IGF1R: variants seen among roughly 807,000 people sequenced by gnomAD.
The protein encoded by IGF1R is insulin-like growth factor 1 receptor.
IGF1R carries 44 observed loss-of-function variants against 144.6 expected under a neutral mutation model. The observed-to-expected ratio is 0.30, with a 90% CI of 0.24 to 0.39. The LOEUF is 0.39. IGF1R is among the 10% of genes least tolerant of loss of function. The probability of loss-of-function intolerance (pLI) is 1.00; values close to 1 mark genes in which losing one functional copy is unlikely to be tolerated. For missense variants in IGF1R, 1,355 were observed against 1,833.7 expected, an observed-to-expected ratio of 0.74 and a Z score of 4.77; for synonymous variants, 795 against 722.8, an observed-to-expected ratio of 1.10 and a Z score of -1.60.
At chr15:98,956,259 G>A (rs551019276) in intron 20 of IGF1R, among the ~76,000 whole-genome samples, 4 of 152,366 alleles carry the variant, frequency 2.6e-5, no homozygotes, top group African/African-American at 7.2e-5. Flanking sequence ...GAGCCCAGCC[G>A]ATGCGACCGA....
chr15:98,930,561 C>T (rs963123914), intron 15 of IGF1R, among the ~76,000 whole-genome samples: 13 of 152,010 alleles, frequency 8.6e-5, no homozygotes, highest in Admixed American at 1.3e-4. Flanking sequence ...ATGAATGTGG[C>T]CAGCGCAGTA....
intron 2 of IGF1R, among the ~76,000 whole-genome samples, chr15:98,862,139 A>C (rs916117758): frequency 6.6e-6 from 1 of 152,238 alleles, no homozygotes; most frequent in Admixed American, 6.5e-5. Flanking sequence ...TAATGCAATA[A>C]AGATTTTTGC....
chr15:98,856,471 G>A (rs1017365108), intron 2 of IGF1R, among the ~76,000 whole-genome samples: 6 of 152,226 alleles, frequency 3.9e-5, no homozygotes, highest in Admixed American at 6.5e-5. Flanking sequence ...AACACTTAGC[G>A]TTGGGCCTGG....
chr15:98,834,612 A>G (rs1454145518), intron 2 of IGF1R, among the ~76,000 whole-genome samples: 1 of 152,244 alleles, frequency 6.6e-6, no homozygotes, highest in Non-Finnish European at 1.5e-5. Context: ...ATCTGAAAGC[A>G]AAGCAGTGAC....
intron 2 of IGF1R, among the ~76,000 whole-genome samples, chr15:98,739,018 C>T (rs1231159230): frequency 2.0e-5 from 3 of 152,142 alleles, no homozygotes; most frequent in Admixed American, 6.5e-5. Context: ...TGAGTGACAT[C>T]TTGCCTTGCT....
rs1306043366 is a variant in IGF1R at position 98,960,092 on chromosome 15, T to C, written c.*2650T>C. Reference sequence around the variant, plus strand: ...CACTCTTATTTTTTATATGTGTATATAGACAAAAGAATACATCTCACCTTT... The same window carrying C: ...CACTCTTATTTTTTATATGTGTATACAGACAAAAGAATACATCTCACCTTT... On this transcript the variant is annotated 3_prime_UTR_variant, in exon 21 of 21. Coordinates refer to ENST00000650285, the MANE Select transcript of IGF1R (RefSeq NM_000875.5). 4.3e-6 allele frequency: 1 copy of C among 233,492 alleles called. No individual in the cohort carries two copies. The highest frequency in any genetic ancestry group is 6.0e-5 in the East Asian group (1 of 16,588). 14.5% of individuals were successfully genotyped at this position (233,492 alleles called of 1,614,324 possible). A position where few individuals can be genotyped will look rare whatever the true frequency, so the allele number is the denominator to read the frequency against.
intron 20 of IGF1R, among the ~76,000 whole-genome samples, chr15:98,956,694 C>T (rs770472349): frequency 2.6e-5 from 4 of 152,260 alleles, no homozygotes; most frequent in Non-Finnish European, 5.9e-5. Flanking sequence ...GCAGTGCCTG[C>T]ATGAGACGCC....
intron 2 of IGF1R, among the ~76,000 whole-genome samples, chr15:98,798,665 A>T (rs1187770227): frequency 6.6e-6 from 1 of 151,992 alleles, no homozygotes; most frequent in South Asian, 2.1e-4. Flanking sequence ...TGCACGTGGG[A>T]TGTCCAGTGA....
At chr15:98,677,958 A>G (rs1284950383) in intron 1 of IGF1R, among the ~76,000 whole-genome samples, 1 of 152,168 alleles carries the variant, frequency 6.6e-6, no homozygotes, top group African/African-American at 2.4e-5. Flanking sequence ...GATTACAGGC[A>G]TATTTGTCCT....
rs1371147989 is a variant in IGF1R, at chr15:98,935,551, T to C, written c.3297+125T>C. On this transcript the variant is annotated intron_variant, in intron 17 of 20. Coordinates refer to ENST00000650285, the MANE Select transcript of IGF1R (RefSeq NM_000875.5). The surrounding 1 kb of genome is among the most constrained non-coding windows in gnomAD (Gnocchi z 4.2). Reference sequence around the variant, plus strand: ...CTTTCCAGCATCCAGTGTTTCTTACTGCATGCTCAGTTGTAGGTCATTTAT... The same window carrying C: ...CTTTCCAGCATCCAGTGTTTCTTACCGCATGCTCAGTTGTAGGTCATTTAT... 2.7e-6 allele frequency: 2 copies of C among 730,080 alleles called. No homozygotes were observed. Among genetic ancestry groups the C allele is most frequent in the Non-Finnish European group, 5.0e-6 (2 of 399,108 alleles). 45.2% of individuals were successfully genotyped at this position (730,080 alleles called of 1,614,324 possible).
At chr15:98,831,947 G>A (rs143093397) in intron 2 of IGF1R, among the ~76,000 whole-genome samples, 90 of 152,216 alleles carry the variant, frequency 5.9e-4, no homozygotes, top group African/African-American at 2.1e-3. Flanking sequence ...GAACTTCAGA[G>A]AACAGCCTTG....
At chr15:98,795,331 A>C (rs2141423385) in intron 2 of IGF1R, among the ~76,000 whole-genome samples, 1 of 152,362 alleles carries the variant, frequency 6.6e-6, no homozygotes, top group East Asian at 1.9e-4. Context: ...ACACATTGAC[A>C]TGTATCAGTA....
intron 2 of IGF1R, among the ~76,000 whole-genome samples, chr15:98,889,863 C>G (rs557736704): frequency 3.9e-5 from 6 of 152,272 alleles, no homozygotes; most frequent in Non-Finnish European, 8.8e-5. Context: ...CAAAAAGATA[C>G]ACATTTAAAT....
intron 2 of IGF1R, chr15:98,824,174 C>A (rs1025329433): frequency 6.6e-6 from 1 of 152,198 alleles, no homozygotes; most frequent in Non-Finnish European, 1.5e-5. Flanking sequence ...TGCCCGTTCT[C>A]CCCAGGTCGA....
At chr15:98,753,453 G>A (rs923277007) in intron 2 of IGF1R, among the ~76,000 whole-genome samples, 13 of 132,090 alleles carry the variant, frequency 9.8e-5, no homozygotes, top group African/African-American at 1.5e-4. Context: ...GGCTTGTCTC[G>A]AACTCCTGGC....
intron 1 of IGF1R, among the ~76,000 whole-genome samples, chr15:98,693,551 T>C (rs2053529066): frequency 6.6e-6 from 1 of 152,286 alleles, no homozygotes; most frequent in Admixed American, 6.5e-5. Context: ...CTTGCCTGCC[T>C]TTTGGGTCGT....
intron 2 of IGF1R, among the ~76,000 whole-genome samples, chr15:98,804,450 G>A (rs985944319): frequency 2.7e-5 from 4 of 150,594 alleles, no homozygotes; most frequent in Admixed American, 2.0e-4. Flanking sequence ...ATAAACACAT[G>A]ACTTTTGTTT....
chr15:98,955,827 C>G (rs2016957354), intron 20 of IGF1R, among the ~76,000 whole-genome samples: 1 of 152,380 alleles, frequency 6.6e-6, no homozygotes. Context: ...CTAGATGCCA[C>G]TGGGTGTGCT....
At chr15:98,955,448 G>A (rs866407473) in intron 20 of IGF1R, among the ~76,000 whole-genome samples, 26 of 152,368 alleles carry the variant, frequency 1.7e-4, no homozygotes, top group Middle Eastern at 3.4e-3. Context: ...GTCCTCAGCT[G>A]GTAGTTGTAG....
Sources: gnomAD v4.1 joint callset for allele counts (sites outside exome capture counted in the v4.1 genomes callset) on GRCh38, gnomAD v4.1.1 for gene constraint, Gnocchi (gnomAD v3.1) non-coding constraint, MANE v1.5 for transcripts, NCBI Gene and HGNC (gene_info 2026-07-23, HGNC 2026-07-21) for gene names.